TDG: variants seen among roughly 807,000 people sequenced by gnomAD.
TDG encodes the protein G/T mismatch-specific thymine DNA glycosylase.
A neutral mutation model predicts 46.1 loss-of-function variants in TDG; 23 were observed. That is an observed-to-expected ratio of 0.50 (90% CI 0.36 to 0.71). The LOEUF (loss-of-function observed/expected upper bound fraction) is 0.71. Among genes scored for constraint, TDG ranks in the 30% least tolerant of loss-of-function variants. The pLI, the probability that TDG is intolerant of heterozygous loss-of-function variation, is 0.00. For synonymous variants in TDG, 115 were observed against 161.3 expected (o/e 0.71, Z 2.18); for missense variants, 304 against 486.7 (o/e 0.62, Z 3.53).
chr12:103,971,139 G>A (rs900182207), intron 1 of TDG, among the ~76,000 whole-genome samples: 1 of 152,186 alleles, frequency 6.6e-6, no homozygotes, highest in Non-Finnish European at 1.5e-5. Context: ...AGATATTGGT[G>A]TCTGTGAGGG....
intron 1 of TDG, among the ~76,000 whole-genome samples, chr12:103,975,180 G>A (rs1039561847): frequency 7.9e-5 from 12 of 152,128 alleles, no homozygotes; most frequent in African/African-American, 2.9e-4. Flanking sequence ...TGAGATAGTG[G>A]TTTAAGGCCA....
chr12:103,979,781 A>C (rs377005837), intron 2 of TDG, 50 bp from the exon 3 acceptor site: 4 of 1,527,554 alleles, frequency 2.6e-6, no homozygotes, highest in Non-Finnish European at 3.5e-6. Context: ...AAGCTGCTAA[A>C]GTTTCTAAGT....
In TDG at chr12:103,966,009, G is replaced by A. The variant is rs754463325; in HGVS notation, c.-29G>A. On this transcript the variant is annotated 5_prime_UTR_variant, in exon 1 of 10. Transcript: ENST00000392872. The stretch of plus-strand genomic sequence containing the variant: ...CCGGCTGCCCGTGTGCCCGGCAGGT[G>A]GAGCCGCCCGCATCAGCGGCCTCGG... The A allele has an allele frequency of 3.9e-5, 62 of 1,592,600 alleles. No homozygotes were observed. Among genetic ancestry groups the A allele is most frequent in the Non-Finnish European group, 4.8e-5 (56 of 1,170,532 alleles).
chr12:103,979,109 C>CTTTTTTTTTT lies in TDG; in HGVS notation c.167-719_167-710dup, dbSNP rs372883902. 1.4e-4 allele frequency among the ~76,000 whole-genome samples: 17 copies of CTTTTTTTTTT among 123,596 alleles called. 3 individuals carry two copies. The highest frequency in any genetic ancestry group is 2.8e-4 in the Admixed American group (3 of 10,566). 81.1% of individuals were successfully genotyped at this position (123,596 alleles called of 152,430 possible). On this transcript the variant is annotated intron_variant, in intron 2 of 9. Coordinates refer to ENST00000392872, the MANE Select transcript of TDG (RefSeq NM_003211.6). ...GCCATTGTGTTTTTCTTTTTTCTTT[C>CTTTTTTTTTT]TTTTTTTTTTTTGGACAGAGTCTTG...
At chr12:103,986,799 C>A in intron 9 of TDG, 149 bp from the exon 10 acceptor site, 1 of 718,046 alleles carries the variant, frequency 1.4e-6, no homozygotes. Context: ...ATGGGAGGAT[C>A]ACTCAAGCCC....
chr12:103,981,111 A>G (rs1165154360), intron 4 of TDG, 149 bp downstream of exon 4: 3 of 668,546 alleles, frequency 4.5e-6, no homozygotes, highest in Non-Finnish European at 7.5e-6. Context: ...CTGTACGTGA[A>G]AATAAGAGAG....
chr12:103,966,200 T>C, intron 1 of TDG, 140 bp downstream of exon 1: 6 of 1,206,124 alleles, frequency 5.0e-6, no homozygotes, highest in South Asian at 3.3e-5. Flanking sequence ...CACTGTGGCC[T>C]GGTCGGCCTT....
chr12:103,974,742 G>T (rs540087809), intron 1 of TDG, among the ~76,000 whole-genome samples: 2 of 152,076 alleles, frequency 1.3e-5, no homozygotes, highest in East Asian at 1.9e-4. Flanking sequence ...AGGCTGAGGC[G>T]GGTGGATCGC....
rs1345361203 is a variant in TDG at position 103,988,294 on chromosome 12, T to C, written c.*1204T>C. On this transcript the variant is annotated 3_prime_UTR_variant, in exon 10 of 10. Transcript: ENST00000392872. ...GGGAGCATGCTGTTTTGTCAATCAATATAAAATATTTATGAGGTCTCCCCC... is the reference window on the plus strand; with the variant it reads ...GGGAGCATGCTGTTTTGTCAATCAACATAAAATATTTATGAGGTCTCCCCC... The C allele has an allele frequency of 1.3e-5, 2 of 152,586 alleles. No homozygotes were observed. The highest frequency in any genetic ancestry group is 2.9e-5 in the Non-Finnish European group (2 of 68,010). 9.5% of individuals were successfully genotyped at this position (152,586 alleles called of 1,614,324 possible).
intron 7 of TDG, 59 bp from the exon 8 acceptor site, chr12:103,984,690 A>G (rs1330505211): frequency 5.4e-6 from 7 of 1,304,940 alleles, no homozygotes; most frequent in African/African-American, 1.5e-5. Context: ...TTCTAATCTC[A>G]ATGAGTGAAT....
chr12:103,971,127 T>G (rs1871267008), intron 1 of TDG, among the ~76,000 whole-genome samples: 1 of 152,176 alleles, frequency 6.6e-6, no homozygotes, highest in Non-Finnish European at 1.5e-5. Flanking sequence ...TTGAGCATCC[T>G]TAGATATTGG....
chr12:103,971,979 G>T (rs1250929913), intron 1 of TDG, among the ~76,000 whole-genome samples: 1 of 152,090 alleles, frequency 6.6e-6, no homozygotes, highest in Non-Finnish European at 1.5e-5. Context: ...CAGAAACATT[G>T]CAGAGTTCTG....
chr12:103,981,863 A>T (rs1384858541), intron 4 of TDG, among the ~76,000 whole-genome samples: 1 of 152,126 alleles, frequency 6.6e-6, no homozygotes, highest in Non-Finnish European at 1.5e-5. Flanking sequence ...ATAAATAAAA[A>T]ATTAGCTGAG....
intron 2 of TDG, among the ~76,000 whole-genome samples, chr12:103,978,451 G>C (rs550605672): frequency 1.3e-5 from 2 of 152,298 alleles, no homozygotes; most frequent in East Asian, 3.9e-4. Flanking sequence ...ATGTGCTCAG[G>C]GTTTTGGTTT....
chr12:103,983,604 G>A (rs545758982), intron 7 of TDG, among the ~76,000 whole-genome samples: 7 of 152,302 alleles, frequency 4.6e-5, no homozygotes, highest in African/African-American at 1.7e-4. Flanking sequence ...TCAGCTAAAT[G>A]TCTTGATGTT....
intron 2 of TDG, 110 bp downstream of exon 2, chr12:103,977,170 C>T: frequency 5.5e-6 from 8 of 1,444,494 alleles, no homozygotes; most frequent in Non-Finnish European, 7.4e-6. Context: ...AAGTCAAATC[C>T]ACTTTTTAAG....
intron 1 of TDG, among the ~76,000 whole-genome samples, chr12:103,971,830 G>A (rs188442047): frequency 5.9e-5 from 9 of 152,284 alleles, no homozygotes; most frequent in Admixed American, 5.9e-4. Context: ...GACAGATCTA[G>A]TCCTATTTCC....
intron 1 of TDG, among the ~76,000 whole-genome samples, chr12:103,976,059 CAAA>C (rs142710697): frequency 4.2e-5 from 6 of 142,286 alleles, no homozygotes; most frequent in Non-Finnish European, 9.2e-5. Flanking sequence ...ATAGCAGTGG[CAAA>C]AAAAAAAAGC....
chr12:103,979,204 G>A (rs989778583), intron 2 of TDG, among the ~76,000 whole-genome samples: 1 of 150,760 alleles, frequency 6.6e-6, no homozygotes, highest in East Asian at 2.0e-4. Flanking sequence ...TTGGGTTCAA[G>A]CAATTCTCCT....
Sources: allele counts gnomAD v4.1 joint callset (sites outside exome capture counted in the v4.1 genomes callset), GRCh38; gene constraint gnomAD v4.1.1; transcripts MANE v1.5; gene names NCBI Gene and HGNC (gene_info 2026-07-23, HGNC 2026-07-21).